The following ANKS1A variants were observed in gnomAD, a reference collection of about 807,000 sequenced individuals.
ANKS1A encodes ankyrin repeat and sterile alpha motif domain containing 1A.
ANKS1A carries 55 observed loss-of-function variants against 120.3 expected under a neutral mutation model. The observed-to-expected ratio is 0.46, with a 90% CI of 0.37 to 0.57. ANKS1A has a LOEUF of 0.57. Ranked by LOEUF, ANKS1A falls within the 20% of genes least tolerant of loss-of-function variation. ANKS1A has a pLI of 0.00. For synonymous variants in ANKS1A, 590 were observed against 604.7 expected (o/e 0.98, Z 0.36); for missense variants, 1,123 against 1,480.3 (o/e 0.76, Z 3.96).
chr6:35,018,934 T>A (rs554198304), intron 11 of ANKS1A, among the ~76,000 whole-genome samples: 1 of 152,156 alleles, frequency 6.6e-6, no homozygotes. Context: ...TACTGTGCTG[T>A]CCTGGAAGGC....
intron 11 of ANKS1A, among the ~76,000 whole-genome samples, chr6:35,032,083 TAG>T (rs1414306008): frequency 6.6e-6 from 1 of 152,218 alleles, no homozygotes; most frequent in Non-Finnish European, 1.5e-5. Context: ...TTGAGGGACT[TAG>T]ACCCTAAAGG....
At position 35,009,098 on chromosome 6, in the gene ANKS1A, G is replaced by A. The variant is rs370733224; in HGVS notation, c.1424-8375G>A. Among the ~76,000 whole-genome samples, 70 of 152,208 alleles carry A rather than the reference G, an allele frequency of 4.6e-4. 2 individuals carry two copies. In the South Asian group the frequency reaches 0.014, roughly 31 times the overall value. ...AGTGTTGTTGAGGCTTTTTGAATCCGGCGACAGGACAGGAGCCACGCTTCA... is the reference window on the plus strand; with the variant it reads ...AGTGTTGTTGAGGCTTTTTGAATCCAGCGACAGGACAGGAGCCACGCTTCA... On this transcript the variant is annotated intron_variant, in intron 10 of 23. Coordinates refer to ENST00000360359, the MANE Select transcript of ANKS1A (RefSeq NM_015245.3).
At chr6:34,902,185 C>G (rs1654016039) in intron 1 of ANKS1A, among the ~76,000 whole-genome samples, 1 of 152,156 alleles carries the variant, frequency 6.6e-6, no homozygotes, top group South Asian at 2.1e-4. Context: ...TTTCAAAAGA[C>G]TTTTCAAGTA....
Position 35,082,921 on chromosome 6 carries a change from C to T in ANKS1A, c.2835+105C>T. ...GGACTCCACAAAGCCAGGCCCAGGGCTTTTGAGCTGTTCTCCACTCTCAGC... is the reference window on the plus strand; with the variant it reads ...GGACTCCACAAAGCCAGGCCCAGGGTTTTTGAGCTGTTCTCCACTCTCAGC... On this transcript the variant is annotated intron_variant, in intron 18 of 23. Transcript: ENST00000360359. This position sits in a 1 kb window ranked among gnomAD's most constrained non-coding sequence, Gnocchi z 4.1. The T allele has an allele frequency of 6.6e-7, 1 of 1,515,382 alleles. No individual in the cohort carries two copies. 93.9% of individuals were successfully genotyped at this position (1,515,382 alleles called of 1,614,324 possible).
chr6:35,013,867 A>G (rs575850157), intron 10 of ANKS1A, among the ~76,000 whole-genome samples: 41 of 152,322 alleles, frequency 2.7e-4, no homozygotes, highest in African/African-American at 8.9e-4. Context: ...TGAGGAACGG[A>G]GAAGTAGTTG....
At chr6:34,893,605 G>A (rs1766925548) in intron 1 of ANKS1A, among the ~76,000 whole-genome samples, 1 of 152,212 alleles carries the variant, frequency 6.6e-6, no homozygotes, top group African/African-American at 2.4e-5. Flanking sequence ...ATATGTCTGA[G>A]ACCTGGGACA....
intron 7 of ANKS1A, 28 bp from the exon 8 acceptor site, chr6:34,985,054 A>T: frequency 1.3e-6 from 2 of 1,593,848 alleles, no homozygotes; most frequent in Non-Finnish European, 1.7e-6. Flanking sequence ...CCCTTCAGTG[A>T]CTCTCTTGCC....
At chr6:34,906,035 G>C (rs1003133050) in intron 1 of ANKS1A, among the ~76,000 whole-genome samples, 20 of 152,316 alleles carry the variant, frequency 1.3e-4, no homozygotes, top group African/African-American at 3.8e-4. Flanking sequence ...AAGGGCCTGA[G>C]TGAGCAGTGC....
At chr6:34,914,432 A>G (rs1768061368) in intron 1 of ANKS1A, among the ~76,000 whole-genome samples, 1 of 152,208 alleles carries the variant, frequency 6.6e-6, no homozygotes, top group Admixed American at 6.5e-5. Context: ...AATCACCCTA[A>G]TGAACGATTT....
intron 17 of ANKS1A, among the ~76,000 whole-genome samples, chr6:35,081,554 A>G (rs1274258827): frequency 6.6e-6 from 1 of 151,900 alleles, no homozygotes; most frequent in Admixed American, 6.6e-5. Context: ...TTCTCTGCTT[A>G]CCCACGTTGT....
Position 34,981,604 on chromosome 6 carries a change from C to T in ANKS1A, c.436-86C>T, listed in dbSNP as rs959019996. 8.9e-5 allele frequency: 127 copies of T among 1,431,014 alleles called. No individual in the cohort carries two copies. The Middle Eastern group carries it at 1.5e-3, about 16-fold the overall frequency. The allele number at this position is 1,431,014 out of a possible 1,614,324, so 88.6% of individuals were successfully genotyped here. On this transcript the variant is annotated intron_variant, in intron 3 of 23. Coordinates refer to ENST00000360359, the MANE Select transcript of ANKS1A (RefSeq NM_015245.3). ...GTTGCTGCTATTTTTCTCATTTAAA[C>T]TTCAGTGGTTTTACGAGTGGTTGTC... is the stretch of plus-strand genomic sequence containing the variant.
intron 13 of ANKS1A, among the ~76,000 whole-genome samples, chr6:35,066,282 T>C (rs820075): frequency 0.45 from 68,220 of 151,956 alleles, 16,097 homozygotes; most frequent in East Asian, 0.62. Flanking sequence ...CTCTGCAGGC[T>C]GCAGAGGTTG....
chr6:35,016,935 C>CTTT (rs558659921), intron 10 of ANKS1A, among the ~76,000 whole-genome samples: 15 of 87,366 alleles, frequency 1.7e-4, no homozygotes, highest in East Asian at 3.0e-4. Flanking sequence ...ATCATGACCT[C>CTTT]TTTTTTTTTT....
chr6:35,017,763 C>A lies in ANKS1A; in HGVS notation c.1714C>A (p.Leu572Met). The change falls in exon 11 of 24, where the codon CTG becomes ATG. Residue 572 changes from leucine to methionine, a missense_variant. Physicochemically the swap from Leu to Met is conservative, Grantham distance 15 (BLOSUM62 2). Transcript: ENST00000360359. ...QSKRVGYLTGLPTTNSRSHPE... is the reference protein window; with the variant it reads ...QSKRVGYLTGMPTTNSRSHPE... ...CAAGAGAGTGGGCTACCTCACAGGC[C>A]TGCCCACCACCAACAGCCGCTCGCA... 1 of 1,614,158 alleles carries A rather than the reference C, an allele frequency of 6.2e-7. No individual in the cohort carries two copies. The highest frequency in any genetic ancestry group is 8.5e-7 in the Non-Finnish European group (1 of 1,180,036).
intron 11 of ANKS1A, among the ~76,000 whole-genome samples, chr6:35,052,510 G>A (rs1040502934): frequency 2.1e-5 from 3 of 146,000 alleles, no homozygotes; most frequent in African/African-American, 5.2e-5. Flanking sequence ...TGTCGTCGTC[G>A]TCTTAGCTAT....
chr6:34,989,461 G>C (rs1772396210), intron 9 of ANKS1A, 145 bp downstream of exon 9: 3 of 734,090 alleles, frequency 4.1e-6, no homozygotes. Context: ...TAGTAATCTG[G>C]AATAAGACCT....
intron 13 of ANKS1A, among the ~76,000 whole-genome samples, chr6:35,067,435 G>A (rs769400475): frequency 3.3e-5 from 5 of 152,180 alleles, no homozygotes; most frequent in Non-Finnish European, 5.9e-5. Context: ...AACATGTTCT[G>A]GGGACTGCAT....
chr6:34,991,675 TATATATACATATATACAC>T (rs761390855), intron 9 of ANKS1A, among the ~76,000 whole-genome samples: 70,184 of 110,954 alleles, frequency 0.63, 22,985 homozygotes, highest in Non-Finnish European at 0.74. Flanking sequence ...TATATACACA[TATATATACATATATACAC>T]ATATATATAC....
chr6:35,076,757 G>A (rs984327062), intron 13 of ANKS1A, among the ~76,000 whole-genome samples: 3 of 151,936 alleles, frequency 2.0e-5, no homozygotes, highest in Admixed American at 6.6e-5. Context: ...AGCCTCCCGA[G>A]TAGCTGGGAT....
Sources: gnomAD v4.1 joint callset for allele counts (sites outside exome capture counted in the v4.1 genomes callset) on GRCh38, gnomAD v4.1.1 for gene constraint, Gnocchi (gnomAD v3.1) non-coding constraint, MANE v1.5 for transcripts, NCBI Gene and HGNC (gene_info 2026-07-23, HGNC 2026-07-21) for gene names.